The following DPYSL3 variants were observed in gnomAD, a reference collection of about 807,000 sequenced individuals.
DPYSL3 encodes dihydropyrimidinase like 3, also known as dihydropyrimidinase-related protein 3.
A neutral mutation model predicts 66.1 loss-of-function variants in DPYSL3; 16 were observed. That is an observed-to-expected ratio of 0.24 (90% confidence interval 0.16 to 0.37). DPYSL3 has a LOEUF of 0.37. Among genes scored for constraint, DPYSL3 ranks in the 10% least tolerant of loss-of-function variants. DPYSL3 has a pLI of 1.00. For missense variants in DPYSL3, 738 were observed against 916.2 expected, an observed-to-expected ratio of 0.81 and a Z score of 2.51; for synonymous variants, 338 against 345.1, an observed-to-expected ratio of 0.98 and a Z score of 0.23.
intron 1 of DPYSL3, among the ~76,000 whole-genome samples, chr5:147,427,402 T>C (rs1296775021): frequency 1.3e-5 from 2 of 152,198 alleles, no homozygotes; most frequent in African/African-American, 4.8e-5. Flanking sequence ...GTTGAATGAA[T>C]AGGTGAAGGG....
intron 1 of DPYSL3, among the ~76,000 whole-genome samples, chr5:147,468,602 C>T (rs184785627): frequency 1.1e-4 from 17 of 152,060 alleles, no homozygotes; most frequent in African/African-American, 4.1e-4. Context: ...AAAAGACTAT[C>T]GCAAGAAACT....
At chr5:147,403,115 G>T (rs777458132) in intron 8 of DPYSL3, among the ~76,000 whole-genome samples, 1 of 152,094 alleles carries the variant, frequency 6.6e-6, no homozygotes, top group Non-Finnish European at 1.5e-5. Flanking sequence ...AATGCGCGGG[G>T]TCTCAGTAGA....
intron 1 of DPYSL3, among the ~76,000 whole-genome samples, chr5:147,480,160 A>G (rs536889139): frequency 2.0e-5 from 3 of 152,292 alleles, no homozygotes; most frequent in African/African-American, 7.2e-5. Context: ...AGAAAGGACA[A>G]CAGAATCTCT....
chr5:147,441,324 G>T (rs1370128937), intron 1 of DPYSL3, among the ~76,000 whole-genome samples: 1 of 152,056 alleles, frequency 6.6e-6, no homozygotes, highest in Admixed American at 6.5e-5. Flanking sequence ...TCTCTCCTTG[G>T]TATATAGATC....
In DPYSL3 at chr5:147,509,251, C is replaced by T. The variant is rs542719271; in HGVS notation, c.381+227G>A. Reference sequence around the variant, plus strand: ...GGACGCGGCTCCAGGCAGGGGAACCCGGGCATCCCTTCCGCGCTTGCACGA... The same window carrying T: ...GGACGCGGCTCCAGGCAGGGGAACCTGGGCATCCCTTCCGCGCTTGCACGA... On this transcript the variant is annotated intron_variant, in intron 1 of 13. Coordinates refer to ENST00000343218, the MANE Select transcript of DPYSL3 (RefSeq NM_001197294.2). This position sits in a 1 kb window ranked among gnomAD's most constrained non-coding sequence, Gnocchi z 5.3. Among the ~76,000 whole-genome samples, 146 of 152,292 alleles carry T rather than the reference C, an allele frequency of 9.6e-4. 1 individual carries two copies. The highest frequency in any genetic ancestry group is 4.1e-4 in the South Asian group (2 of 4,822).
chr5:147,394,058 A>T lies in DPYSL3; in HGVS notation c.2032T>A (p.Ser678Thr). The change falls in exon 14 of 14, where the codon TCT becomes ACT. Residue 678 changes from serine to threonine, a missense_variant. By Grantham distance (58) the Ser-to-Thr change is moderately conservative. Coordinates refer to ENST00000343218, the MANE Select transcript of DPYSL3 (RefSeq NM_001197294.2). Reference protein sequence around the residue: ...KRIVAPPGGRSNITSLS With the variant: ...KRIVAPPGGRTNITSLS ...GCTTAACTCAGAGATGTGATATTAG[A>T]ACGGCCGCCTGGGGGCGCCACGATG... The T allele has an allele frequency of 6.2e-7, 1 of 1,614,184 alleles. No homozygotes were observed.
chr5:147,491,197 G>A (rs910018557), intron 1 of DPYSL3, among the ~76,000 whole-genome samples: 1 of 152,164 alleles, frequency 6.6e-6, no homozygotes, highest in African/African-American at 2.4e-5. Context: ...CCTTTCTCAT[G>A]TAAGGTGCCA....
At chr5:147,447,762 C>T (rs922969457) in intron 1 of DPYSL3, among the ~76,000 whole-genome samples, 4 of 152,156 alleles carry the variant, frequency 2.6e-5, no homozygotes, top group Non-Finnish European at 5.9e-5. Context: ...CCCAGCTACT[C>T]AGGAGGCGGA....
Position 147,415,816 on chromosome 5 carries a change from C to T in DPYSL3, c.713G>A (p.Arg238Lys). Reference sequence around the variant, plus strand: ...GCAACTCTTCCCATCAGCCCACTCTCTCCATTTCTCATAGGCCTCAGTCAG... The same window carrying T: ...GCAACTCTTCCCATCAGCCCACTCTTTCCATTTCTCATAGGCCTCAGTCAG... ...SSLTEAYEKW[R>K]EWADGKSCCD... The change falls in exon 4 of 14, where the codon AGA (arginine) becomes AAA (lysine). Residue 238 changes from arginine to lysine, a missense_variant. Physicochemically the swap from Arg to Lys is conservative, Grantham distance 26 (BLOSUM62 2). Transcript: ENST00000343218. 1.2e-6 allele frequency: 2 copies of T among 1,614,092 alleles called. No homozygotes were observed. Among genetic ancestry groups the T allele is most frequent in the Non-Finnish European group, 1.7e-6 (2 of 1,179,996 alleles).
chr5:147,453,421 G>T (rs1752776372), intron 1 of DPYSL3: 1 of 1,338,490 alleles, frequency 7.5e-7, no homozygotes, highest in East Asian at 3.1e-5. Context: ...CCGCCACCCG[G>T]ACCCCGGGTC....
intron 1 of DPYSL3, among the ~76,000 whole-genome samples, chr5:147,480,879 C>T (rs1258065726): frequency 2.6e-5 from 4 of 151,834 alleles, no homozygotes; most frequent in African/African-American, 7.3e-5. Context: ...TGTGCCACTA[C>T]GCCCGGCTCA....
intron 1 of DPYSL3, among the ~76,000 whole-genome samples, chr5:147,471,304 A>G (rs1753082712): frequency 2.0e-5 from 3 of 152,050 alleles, no homozygotes; most frequent in South Asian, 4.1e-4. Flanking sequence ...ACTATTGAGA[A>G]AAAAAAAGAG....
intron 2 of DPYSL3, among the ~76,000 whole-genome samples, chr5:147,423,673 A>G (rs1286380744): frequency 6.7e-6 from 1 of 149,758 alleles, no homozygotes; most frequent in Non-Finnish European, 1.5e-5. Flanking sequence ...CAGAATTGCT[A>G]TGATTGATGA....
At chr5:147,504,584 T>C (rs1187300639) in intron 1 of DPYSL3, among the ~76,000 whole-genome samples, 2 of 152,230 alleles carry the variant, frequency 1.3e-5, no homozygotes, top group Non-Finnish European at 2.9e-5. Flanking sequence ...CTGTCTCACA[T>C]TGTGCAGGAT....
At chr5:147,448,692 C>T (rs1752672557) in intron 1 of DPYSL3, among the ~76,000 whole-genome samples, 1 of 152,170 alleles carries the variant, frequency 6.6e-6, no homozygotes, top group Non-Finnish European at 1.5e-5. Context: ...GGTCTTGCCA[C>T]ATAGACTTGA....
At chr5:147,396,020 G>C (rs567914945) in intron 12 of DPYSL3, among the ~76,000 whole-genome samples, 2 of 152,206 alleles carry the variant, frequency 1.3e-5, no homozygotes, top group East Asian at 1.9e-4. Flanking sequence ...GGATACCGGG[G>C]AGTGGTGTGG....
intron 8 of DPYSL3, among the ~76,000 whole-genome samples, chr5:147,403,971 C>T (rs1196451416): frequency 6.6e-6 from 1 of 152,086 alleles, no homozygotes; most frequent in African/African-American, 2.4e-5. Flanking sequence ...CACCCTGTCC[C>T]GAGCGGCCCT....
In DPYSL3 at chr5:147,452,818, A is replaced by G. The variant is rs143071162; in HGVS notation, c.382-27855T>C. On this transcript the variant is annotated intron_variant, in intron 1 of 13. Coordinates refer to ENST00000343218, the MANE Select transcript of DPYSL3 (RefSeq NM_001197294.2). ...CGACAGTAAACTAAAATCTGCTCTA[A>G]AAACTCGGCCTTTTCTTTGATGTGA... Among the ~76,000 whole-genome samples the G allele has an allele frequency of 5.1e-3, 769 of 151,312 alleles. 3 individuals are homozygous for G. Among genetic ancestry groups the G allele is most frequent in the Non-Finnish European group, 8.9e-3 (604 of 67,830 alleles).
intron 2 of DPYSL3, among the ~76,000 whole-genome samples, chr5:147,421,948 G>A (rs551669336): frequency 2.6e-5 from 4 of 152,184 alleles, no homozygotes; most frequent in Admixed American, 2.0e-4. Flanking sequence ...CATAGGCATG[G>A]GCAAAGACTT....
Sources: gnomAD v4.1 joint callset for allele counts (sites outside exome capture counted in the v4.1 genomes callset) on GRCh38, gnomAD v4.1.1 for gene constraint, Gnocchi (gnomAD v3.1) non-coding constraint, MANE v1.5 for transcripts, NCBI Gene and HGNC (gene_info 2026-07-23, HGNC 2026-07-21) for gene names.